DLEC1: variants seen among roughly 807,000 people sequenced by gnomAD.
The protein encoded by DLEC1 is deleted in lung and esophageal cancer protein 1.
DLEC1 carries 146 observed loss-of-function variants against 198.1 expected under a neutral mutation model. That is an observed-to-expected ratio of 0.74 (90% CI 0.64 to 0.85). The LOEUF is 0.85. Among genes scored for constraint, DLEC1 ranks in the 40% least tolerant of loss-of-function variants. DLEC1 has a pLI of 0.00. For missense variants in DLEC1, 2,233 were observed against 2,220.0 expected, an observed-to-expected ratio of 1.01 and a Z score of -0.12; for synonymous variants, 897 against 866.8, an observed-to-expected ratio of 1.03 and a Z score of -0.61.
intron 6 of DLEC1, among the ~76,000 whole-genome samples, chr3:38,069,354 AAG>A (rs1490341796): frequency 6.6e-6 from 1 of 152,226 alleles, no homozygotes; most frequent in Non-Finnish European, 1.5e-5. Flanking sequence ...AGACTAGAAA[AAG>A]AGGGAATGTA....
At chr3:38,064,861 G>T (rs538067780) in intron 6 of DLEC1, among the ~76,000 whole-genome samples, 2 of 151,634 alleles carry the variant, frequency 1.3e-5, no homozygotes, top group Non-Finnish European at 2.9e-5. Flanking sequence ...CAGACTGGGC[G>T]GCCGGGCAGA....
chr3:38,119,334 G>C lies in DLEC1; in HGVS notation c.4705-1114G>C, dbSNP rs187038419. Reference sequence around the variant, plus strand: ...CCCACATCTGTGCCTCCTTTTTGTGGTGGCATTTTGTCTCAGCAAATACCA... The same window carrying C: ...CCCACATCTGTGCCTCCTTTTTGTGCTGGCATTTTGTCTCAGCAAATACCA... On this transcript the variant is annotated intron_variant, in intron 33 of 36. Transcript: ENST00000308059. 1.7e-3 allele frequency among the ~76,000 whole-genome samples: 255 copies of C among 152,036 alleles called. 1 individual carries two copies. Among genetic ancestry groups the C allele is most frequent in the Non-Finnish European group, 2.4e-3 (160 of 67,990 alleles).
chr3:38,075,612 G>A lies in DLEC1; in HGVS notation c.1174-8546G>A, dbSNP rs148510202. ...CCTCCAGAAAAGTGGGAAAGGGGTC[G>A]GGGCGTGGAAATAAGGGGTTGGGGC... On this transcript the variant is annotated intron_variant, in intron 6 of 36. Coordinates refer to ENST00000308059, the MANE Select transcript of DLEC1 (RefSeq NM_007335.4). Among the ~76,000 whole-genome samples, 908 of 152,054 alleles carry A rather than the reference G, an allele frequency of 6.0e-3. 8 individuals carry two copies. The highest frequency in any genetic ancestry group is 0.018 in the African/African-American group (757 of 41,426).
At chr3:38,085,919 C>T (rs1453408595) in intron 8 of DLEC1, among the ~76,000 whole-genome samples, 1 of 152,164 alleles carries the variant, frequency 6.6e-6, no homozygotes, top group African/African-American at 2.4e-5. Context: ...GGACCGTGAT[C>T]CCCCTTACTT....
At chr3:38,041,192 C>T (rs1218316261) in intron 1 of DLEC1, among the ~76,000 whole-genome samples, 1 of 152,022 alleles carries the variant, frequency 6.6e-6, no homozygotes, top group Non-Finnish European at 1.5e-5. Flanking sequence ...TTAGTAGAGA[C>T]AGGGTTTCAC....
rs778536357 is a variant in DLEC1 at position 38,096,552 on chromosome 3, G to A, written c.2172-17G>A. The stretch of plus-strand genomic sequence containing the variant: ...CCAGGTGTGCCGGCTCCTAGCTAAC[G>A]GTGGGTTTGTGTTTAGTTCAGAAGC... On this transcript the variant is annotated splice_polypyrimidine_tract_variant and intron_variant, in intron 14 of 36. Coordinates refer to ENST00000308059, the MANE Select transcript of DLEC1 (RefSeq NM_007335.4). 15 of 1,604,956 alleles carry A rather than the reference G, an allele frequency of 9.3e-6. No individual in the cohort carries two copies. Among genetic ancestry groups the A allele is most frequent in the South Asian group, 7.8e-5 (7 of 90,106 alleles).
Position 38,123,092 on chromosome 3 carries a change from C to T in DLEC1, c.*680C>T, listed in dbSNP as rs775421748. The T allele has an allele frequency of 4.3e-6, 7 of 1,614,176 alleles. No homozygotes were observed. The highest frequency in any genetic ancestry group is 1.6e-4 in the Middle Eastern group (1 of 6,062). On this transcript the variant is annotated 3_prime_UTR_variant, in exon 37 of 37. Transcript: ENST00000308059. ...AGACGGCAGCGGCTCCCATTCCAGT[C>T]CCGATGCACATGGACACCACTCCGT...
chr3:38,106,072 C>T (rs1276576208), intron 19 of DLEC1, among the ~76,000 whole-genome samples: 10 of 152,296 alleles, frequency 6.6e-5, no homozygotes, highest in Admixed American at 5.9e-4. Context: ...GCTCTATTCT[C>T]TCCCCTTCCT....
At position 38,108,529 on chromosome 3, in the gene DLEC1, T is replaced by C. The variant is rs1397869811; in HGVS notation, c.3129+14T>C. 6.2e-7 allele frequency: 1 copy of C among 1,609,296 alleles called. No individual in the cohort carries two copies. Among genetic ancestry groups the C allele is most frequent in the South Asian group, 1.1e-5 (1 of 90,732 alleles). ...GCTCATACCCAGGTGAGTAAGGCAATGTAGGGCCTGAGTGACCGGGAAGGC... is the reference window on the plus strand; with the variant it reads ...GCTCATACCCAGGTGAGTAAGGCAACGTAGGGCCTGAGTGACCGGGAAGGC... On this transcript the variant is annotated intron_variant, in intron 21 of 36. Coordinates refer to ENST00000308059, the MANE Select transcript of DLEC1 (RefSeq NM_007335.4).
intron 10 of DLEC1, among the ~76,000 whole-genome samples, chr3:38,088,937 T>C (rs1698604538): frequency 6.6e-6 from 1 of 152,094 alleles, no homozygotes; most frequent in African/African-American, 2.4e-5. Context: ...TGATCACACC[T>C]GCTTGCTGGT....
intron 15 of DLEC1, 39 bp downstream of exon 15, chr3:38,096,776 CAGTGTTGACATG>C: frequency 6.4e-7 from 1 of 1,564,450 alleles, no homozygotes; most frequent in Non-Finnish European, 8.6e-7. Flanking sequence ...CTGGCCGAGG[CAGTGTTGACATG>C]AGTGCAAGTG....
chr3:38,118,134 G>A lies in DLEC1; in HGVS notation c.4704+110G>A, dbSNP rs1559467401. 8.3e-6 allele frequency: 10 copies of A among 1,206,058 alleles called. No individual in the cohort carries two copies. The South Asian group carries it at 1.5e-4, about 18-fold the overall frequency. The allele number at this position is 1,206,058 out of a possible 1,614,324, so 74.7% of individuals were successfully genotyped here. A position where few individuals can be genotyped will look rare whatever the true frequency, so the allele number is the denominator to read the frequency against. ...GCTTGTACCCAGACGCAAACTGCAT[G>A]CCTGACCCTGCCATACCCTGCATGA... On this transcript the variant is annotated intron_variant, in intron 33 of 36. Coordinates refer to ENST00000308059, the MANE Select transcript of DLEC1 (RefSeq NM_007335.4).
intron 1 of DLEC1, among the ~76,000 whole-genome samples, chr3:38,044,819 A>G (rs561212683): frequency 3.7e-4 from 57 of 152,316 alleles, no homozygotes; most frequent in Non-Finnish European, 6.3e-4. Flanking sequence ...ATAGTCAATC[A>G]GTAATTAGTC....
chr3:38,060,830 G>A (rs1371969572), intron 3 of DLEC1, among the ~76,000 whole-genome samples: 1 of 152,096 alleles, frequency 6.6e-6, no homozygotes, highest in Non-Finnish European at 1.5e-5. Flanking sequence ...AAGTAGCTGG[G>A]ATTACAGGCG....
intron 13 of DLEC1, chr3:38,095,338 T>G (rs2125694550): frequency 2.0e-6 from 1 of 494,608 alleles, no homozygotes; most frequent in East Asian, 3.4e-5. Flanking sequence ...CCCACATGTC[T>G]ACTATGGCAA....
intron 14 of DLEC1, 84 bp downstream of exon 14, chr3:38,096,030 G>A: frequency 2.6e-6 from 4 of 1,536,186 alleles, no homozygotes; most frequent in African/African-American, 1.4e-5. Flanking sequence ...GGTATCAGGT[G>A]AGGGGGAGTG....
chr3:38,086,173 A>G (rs1698443578), intron 8 of DLEC1, 68 bp from the exon 9 acceptor site: 2 of 1,531,620 alleles, frequency 1.3e-6, no homozygotes, highest in South Asian at 2.6e-5. Flanking sequence ...CCTCAGGAGA[A>G]GCATGACAGT....
At chr3:38,069,941 G>A (rs1221570388) in intron 6 of DLEC1, among the ~76,000 whole-genome samples, 1 of 152,122 alleles carries the variant, frequency 6.6e-6, no homozygotes, top group South Asian at 2.1e-4. Context: ...TCTGGTGGGG[G>A]GCTGGTAGAG....
At chr3:38,100,459 A>G (rs1699249775) in intron 19 of DLEC1, 34 bp downstream of exon 19, 1 of 1,582,610 alleles carries the variant, frequency 6.3e-7, no homozygotes, top group Non-Finnish European at 8.6e-7. Flanking sequence ...ACTACAACAA[A>G]CTATGCATAT....
Sources: allele counts gnomAD v4.1 joint callset (sites outside exome capture counted in the v4.1 genomes callset), GRCh38; gene constraint gnomAD v4.1.1; transcripts MANE v1.5; gene names NCBI Gene and HGNC (gene_info 2026-07-23, HGNC 2026-07-21).